Variants in CMTR1 observed in about 807,000 individuals in gnomAD.
CMTR1 encodes cap-specific mRNA (nucleoside-2'-O-)-methyltransferase 1.
In CMTR1, 39 loss-of-function variants were observed where a neutral mutation model predicts 107.0. The observed-to-expected ratio is 0.36, with a 90% CI of 0.28 to 0.48. The LOEUF (loss-of-function observed/expected upper bound fraction) is 0.48. Ranked by LOEUF, CMTR1 falls within the 20% of genes least tolerant of loss-of-function variation. The probability of loss-of-function intolerance (pLI) is 0.99; values close to 1 mark genes in which losing one functional copy is unlikely to be tolerated. For synonymous variants in CMTR1, 366 were observed against 379.5 expected (o/e 0.96, Z 0.41); for missense variants, 672 against 1,064.9 (o/e 0.63, Z 5.14).
upstream of CMTR1, among the ~76,000 whole-genome samples, chr6:37,430,402 G>A (rs1257494272): frequency 2.9e-5 from 4 of 136,160 alleles, no homozygotes; most frequent in African/African-American, 9.8e-5. Flanking sequence ...ATATATATGT[G>A]TGTGTGTGTA....
chr6:37,477,910 G>C lies in CMTR1; in HGVS notation c.2153+271G>C, dbSNP rs767445749. 8.5e-5 allele frequency among the ~76,000 whole-genome samples: 13 copies of C among 152,354 alleles called. No individual in the cohort carries two copies. In the East Asian group the frequency reaches 9.6e-4, roughly 11 times the overall value. On this transcript the variant is annotated intron_variant, in intron 21 of 23. Coordinates refer to ENST00000373451, the MANE Select transcript of CMTR1 (RefSeq NM_015050.3). ...ATTGATGCTGTCATAGTTACGATGG[G>C]CCCTGCGAGGGGCAGAGCAGCAAGC... is the stretch of plus-strand genomic sequence containing the variant.
intron 23 of CMTR1, 93 bp downstream of exon 23, chr6:37,479,348 C>A (rs1165737206): frequency 3.3e-6 from 3 of 904,068 alleles, no homozygotes; most frequent in Non-Finnish European, 5.5e-6. Context: ...ACCCTGGGTC[C>A]TGAGACTGTT....
chr6:37,451,560 G>A (rs1377156818), intron 5 of CMTR1, among the ~76,000 whole-genome samples: 1 of 152,128 alleles, frequency 6.6e-6, no homozygotes, highest in African/African-American at 2.4e-5. Flanking sequence ...CATGAGTCTT[G>A]TGTCCATATG....
chr6:37,472,310 C>T lies in CMTR1; in HGVS notation c.1621-109C>T. On this transcript the variant is annotated intron_variant, in intron 15 of 23. Coordinates refer to ENST00000373451, the MANE Select transcript of CMTR1 (RefSeq NM_015050.3). The surrounding 1 kb of genome is among the most constrained non-coding windows in gnomAD (Gnocchi z 4.1). ...TCAGCCTAGCCTCCTTTGTTGTGTG[C>T]CATTCCTCCTCCCCAGTCTGACCCT... 1 of 947,042 alleles carries T rather than the reference C, an allele frequency of 1.1e-6. No individual in the cohort carries two copies. Among genetic ancestry groups the T allele is most frequent in the Non-Finnish European group, 1.7e-6 (1 of 583,598 alleles). 58.7% of individuals were successfully genotyped at this position (947,042 alleles called of 1,614,324 possible). A position where few individuals can be genotyped will look rare whatever the true frequency, so the allele number is the denominator to read the frequency against.
rs946228771 is a variant in CMTR1 at position 37,458,048 on chromosome 6, A to G, written c.778-564A>G. The stretch of plus-strand genomic sequence containing the variant: ...AGATAAAAAATGTAGTCAGATACCC[A>G]TAAATGTTTTTTGTTGTTTTTGTTG... On this transcript the variant is annotated intron_variant, in intron 8 of 23. Transcript: ENST00000373451. The surrounding 1 kb of genome is among the most constrained non-coding windows in gnomAD (Gnocchi z 4.7). 3.3e-5 allele frequency among the ~76,000 whole-genome samples: 5 copies of G among 152,008 alleles called. No individual in the cohort carries two copies. Among genetic ancestry groups the G allele is most frequent in the Admixed American group, 6.6e-5 (1 of 15,252 alleles).
At chr6:37,463,044 A>AG in intron 13 of CMTR1, 36 bp downstream of exon 13, 7 of 1,596,766 alleles carry the variant, frequency 4.4e-6, no homozygotes. Flanking sequence ...GGTAACACTG[A>AG]GGTCCTAAGG....
At chr6:37,479,077 A>G in intron 22 of CMTR1, 70 bp from the exon 23 acceptor site, 1 of 1,055,844 alleles carries the variant, frequency 9.5e-7, no homozygotes, top group Non-Finnish European at 1.5e-6. Context: ...GGAGTGGAGG[A>G]AGGTACACGC....
chr6:37,453,114 T>A lies in CMTR1; in HGVS notation c.677T>A (p.Met226Lys). The A allele has an allele frequency of 6.2e-7, 1 of 1,614,198 alleles. No individual in the cohort carries two copies. Reference sequence around the variant, plus strand: ...CGGACTCGGGCCAATCCCTATGAGATGATCCGAGGAGTCTTCTTTCTAAAC... The same window carrying A: ...CGGACTCGGGCCAATCCCTATGAGAAGATCCGAGGAGTCTTCTTTCTAAAC... The part of the protein sequence containing the change: ...RARTRANPYE[M>K]IRGVFFLNRA... Residue 226 changes from methionine (M) to lysine (K), a missense_variant, in exon 7 of 24, where the codon ATG becomes AAG. Physicochemically the swap from Met to Lys is moderately conservative, Grantham distance 95. This residue lies in a region of CMTR1 where 583 missense variants were observed against 968.4 expected (regional missense o/e 0.60). Transcript: ENST00000373451.
In CMTR1 at chr6:37,454,246, T is replaced by A. The variant is rs996419792; in HGVS notation, c.777+934T>A. Among the ~76,000 whole-genome samples the A allele has an allele frequency of 2.6e-5, 4 of 152,164 alleles. No homozygotes were observed. The East Asian group carries it at 7.7e-4, about 29-fold the overall frequency. On this transcript the variant is annotated intron_variant, in intron 8 of 23. Coordinates refer to ENST00000373451, the MANE Select transcript of CMTR1 (RefSeq NM_015050.3). ...CTCATTCCACTAGACCCCCTGATTA[T>A]CCACTGGCTAAAGAAACTTGTTTTC...
At chr6:37,440,089 C>T (rs1037794517) in intron 2 of CMTR1, among the ~76,000 whole-genome samples, 2 of 152,170 alleles carry the variant, frequency 1.3e-5, no homozygotes, top group African/African-American at 2.4e-5. Context: ...TGATTTCTAT[C>T]AAGTGGAGAA....
At chr6:37,447,644 TGAGGTCAG>T (rs1771826162) in intron 4 of CMTR1, among the ~76,000 whole-genome samples, 1 of 145,006 alleles carries the variant, frequency 6.9e-6, no homozygotes, top group Non-Finnish European at 1.5e-5. Flanking sequence ...GTGGATCACC[TGAGGTCAG>T]GAGTTCAAGA....
At chr6:37,430,050 C>T (rs1771341667), upstream of CMTR1, among the ~76,000 whole-genome samples, 1 of 152,064 alleles carries the variant, frequency 6.6e-6, no homozygotes, top group Non-Finnish European at 1.5e-5. Flanking sequence ...TGTAATTTAA[C>T]AGTGTACAGT....
intron 13 of CMTR1, among the ~76,000 whole-genome samples, chr6:37,467,224 C>T (rs1479213007): frequency 2.0e-5 from 3 of 152,136 alleles, no homozygotes; most frequent in Admixed American, 2.0e-4. Flanking sequence ...TTTTAATTAA[C>T]CTATGGCTCA....
At chr6:37,466,002 A>G (rs1761501330) in intron 13 of CMTR1, among the ~76,000 whole-genome samples, 2 of 151,798 alleles carry the variant, frequency 1.3e-5, no homozygotes, top group South Asian at 4.1e-4. Flanking sequence ...AATCCAATTT[A>G]CCAATTTTTT....
At chr6:37,428,043 A>AGG in the CMTR1 span, among the ~76,000 whole-genome samples, 1 of 148,522 alleles carries the variant, frequency 6.7e-6, no homozygotes, top group Non-Finnish European at 1.5e-5. Flanking sequence ...AGAGAGAGAG[A>AGG]GAGAGAGAGA....
chr6:37,424,537 G>A, the CMTR1 span, among the ~76,000 whole-genome samples: 3 of 151,930 alleles, frequency 2.0e-5, no homozygotes, highest in Middle Eastern at 3.2e-3. Context: ...GTGAGCCACC[G>A]CGCCCGGCCT....
chr6:37,457,217 CAA>C (rs775870961), intron 8 of CMTR1, among the ~76,000 whole-genome samples: 8 of 83,664 alleles, frequency 9.6e-5, no homozygotes, highest in Admixed American at 1.3e-4. Context: ...ACCTCGTTGC[CAA>C]AAAAAAAAAA....
chr6:37,462,142 A>C (rs1761413800), intron 12 of CMTR1, 40 bp downstream of exon 12: 1 of 1,612,086 alleles, frequency 6.2e-7, no homozygotes, highest in Non-Finnish European at 8.5e-7. Context: ...TTAATTGGCT[A>C]AATGTCAGAA....
chr6:37,480,199 C>T lies in CMTR1; in HGVS notation c.*54C>T. On this transcript the variant is annotated 3_prime_UTR_variant, in exon 24 of 24. Coordinates refer to ENST00000373451, the MANE Select transcript of CMTR1 (RefSeq NM_015050.3). Reference sequence around the variant, plus strand: ...ATGCCCTGTCATTCCTGAGATGGGGCCACCTGGGGCCCACAGTGCTGGCTT... The same window carrying T: ...ATGCCCTGTCATTCCTGAGATGGGGTCACCTGGGGCCCACAGTGCTGGCTT... The T allele has an allele frequency of 6.3e-7, 1 of 1,590,684 alleles. No individual in the cohort carries two copies.
Sources: allele counts gnomAD v4.1 joint callset (sites outside exome capture counted in the v4.1 genomes callset), GRCh38; gene constraint gnomAD v4.1.1; regional missense constraint gnomAD v4.1.1; non-coding constraint Gnocchi (gnomAD v3.1); transcripts MANE v1.5; gene names NCBI Gene and HGNC (gene_info 2026-07-23, HGNC 2026-07-21).